TENM2: variants seen among roughly 807,000 people sequenced by gnomAD.
The protein encoded by TENM2 is teneurin transmembrane protein 2, also known as teneurin-2.
A neutral mutation model predicts 245.2 loss-of-function variants in TENM2; 52 were observed. That is an observed-to-expected ratio of 0.21 (90% CI 0.17 to 0.27). The LOEUF is 0.27. Ranked by LOEUF, TENM2 falls within the 10% of genes least tolerant of loss-of-function variation. The pLI is 1.00. For missense variants in TENM2, 3,046 were observed against 3,666.8 expected (o/e 0.83, Z 4.37); for synonymous variants, 1,363 against 1,438.9 (o/e 0.95, Z 1.19).
At chr5:167,084,364 T>TATATATATATATAC in the TENM2 span, among the ~76,000 whole-genome samples, 7 of 111,140 alleles carry the variant, frequency 6.3e-5, 1 homozygote, top group Admixed American at 1.8e-4. Context: ...TATATATATA[T>TATATATATATATAC]ATACAGATCA....
chr5:168,071,682 T>C (rs948979805), intron 7 of TENM2, among the ~76,000 whole-genome samples: 5 of 152,196 alleles, frequency 3.3e-5, no homozygotes, highest in African/African-American at 1.2e-4. Flanking sequence ...TAAACATTCT[T>C]TCAGGTCTAT....
At chr5:168,248,106 G>A (rs909929828) in exon 27 of TENM2, 1 of 1,614,010 alleles carries the variant, frequency 6.2e-7, no homozygotes, top group Admixed American at 1.7e-5. Context: ...TCAAACAGCT[G>A]CAGTACACGG....
At chr5:167,507,397 GT>G (rs1187555531) in intron 2 of TENM2, among the ~76,000 whole-genome samples, 5 of 152,102 alleles carry the variant, frequency 3.3e-5, no homozygotes, top group African/African-American at 1.2e-4. Flanking sequence ...ATTTAATGAA[GT>G]ATTTAAAATG....
intron 2 of TENM2, among the ~76,000 whole-genome samples, chr5:167,705,820 G>C (rs1375272196): frequency 9.9e-5 from 15 of 151,580 alleles, no homozygotes. Context: ...CTGCTTCTAG[G>C]AGTTTGACTA....
chr5:168,024,229 A>T (rs1055988932), intron 5 of TENM2, among the ~76,000 whole-genome samples: 1 of 152,132 alleles, frequency 6.6e-6, no homozygotes, highest in Non-Finnish European at 1.5e-5. Flanking sequence ...AAATATATCC[A>T]TTAGCCTTCC....
chr5:167,030,500 C>T, the TENM2 span, among the ~76,000 whole-genome samples: 1 of 152,130 alleles, frequency 6.6e-6, no homozygotes, highest in Non-Finnish European at 1.5e-5. Context: ...CCCAGCTTTA[C>T]TTTTCATTAC....
At chr5:167,766,277 T>G (rs1763014302) in intron 2 of TENM2, among the ~76,000 whole-genome samples, 1 of 151,960 alleles carries the variant, frequency 6.6e-6, no homozygotes, top group Non-Finnish European at 1.5e-5. Context: ...GGGGAAAAAT[T>G]TTACATATTT....
intron 3 of TENM2, among the ~76,000 whole-genome samples, chr5:167,908,683 C>G (rs932043352): frequency 2.8e-5 from 4 of 141,248 alleles, no homozygotes; most frequent in African/African-American, 1.1e-4. Flanking sequence ...CTTTTTCTCT[C>G]TCCCTCTCTG....
At chr5:167,737,888 T>C (rs769552979) in intron 2 of TENM2, among the ~76,000 whole-genome samples, 2 of 152,122 alleles carry the variant, frequency 1.3e-5, no homozygotes, top group Non-Finnish European at 2.9e-5. Flanking sequence ...TGAATGGGGC[T>C]CCCCTGATGC....
intron 3 of TENM2, among the ~76,000 whole-genome samples, chr5:167,882,626 T>C (rs1583274060): frequency 6.6e-6 from 1 of 152,248 alleles, no homozygotes; most frequent in South Asian, 2.1e-4. Flanking sequence ...CAGCACCTTC[T>C]TCACAAAGCA....
chr5:167,823,984 A>C (rs11134472), intron 2 of TENM2, among the ~76,000 whole-genome samples: 64,434 of 151,900 alleles, frequency 0.42, 15,655 homozygotes, highest in East Asian at 0.74. Context: ...TGAAATTCAG[A>C]ACGGTGTGAC....
intron 2 of TENM2, among the ~76,000 whole-genome samples, chr5:167,742,794 AAAAG>A (rs1180095109): frequency 6.8e-4 from 104 of 152,010 alleles, no homozygotes; most frequent in Middle Eastern, 6.8e-3. Context: ...CAAAAAAAAA[AAAAG>A]AAAGAAAGAA....
chr5:167,762,342 T>C (rs1346371760), intron 2 of TENM2, among the ~76,000 whole-genome samples: 1 of 152,210 alleles, frequency 6.6e-6, no homozygotes, highest in Non-Finnish European at 1.5e-5. Flanking sequence ...GCTTTTCAAC[T>C]GCGTAAAGCA....
At chr5:167,365,563 A>C (rs1051746466) in intron 1 of TENM2, among the ~76,000 whole-genome samples, 10 of 151,916 alleles carry the variant, frequency 6.6e-5, no homozygotes, top group African/African-American at 2.2e-4. Context: ...AAATGAAAGA[A>C]AGAATACTGT....
At chr5:167,962,182 T>C (rs556780715) in intron 4 of TENM2, among the ~76,000 whole-genome samples, 87 of 152,262 alleles carry the variant, frequency 5.7e-4, no homozygotes, top group African/African-American at 1.8e-3. Flanking sequence ...CTTTGAATAT[T>C]TGGCTTTTCT....
intron 15 of TENM2, 96 bp from the exon 18 acceptor site, chr5:168,198,757 C>A: frequency 6.9e-7 from 1 of 1,453,926 alleles, no homozygotes; most frequent in Non-Finnish European, 9.5e-7. Flanking sequence ...CCTCTGTGCT[C>A]TGCCCATCGC....
rs564590839 is a variant in TENM2, at chr5:168,256,427, CTTT to C, written c.7433-3842_7433-3840del. Among the ~76,000 whole-genome samples, 1,301 of 133,766 alleles carry C rather than the reference CTTT, an allele frequency of 9.7e-3. 22 individuals are homozygous for C. Among genetic ancestry groups the C allele is most frequent in the African/African-American group, 0.034 (1,240 of 36,570 alleles). The allele number at this position is 133,766 out of a possible 152,430, so 87.8% of individuals were successfully genotyped here. On this transcript the variant is annotated intron_variant, in intron 27 of 28. Transcript: ENST00000518659. The stretch of plus-strand genomic sequence containing the variant: ...TTTAAGGGAATTTCAAACTTGTATT[CTTT>C]TTTTTTTTTTTTTGAGACGGAGTCT...
chr5:167,364,855 A>AG (rs1428445515), intron 1 of TENM2, among the ~76,000 whole-genome samples: 2 of 152,016 alleles, frequency 1.3e-5, no homozygotes, highest in Non-Finnish European at 2.9e-5. Context: ...AGGAGGAAAG[A>AG]GAAAAAAAAA....
At chr5:166,985,520 C>T in the TENM2 span, among the ~76,000 whole-genome samples, 1 of 152,082 alleles carries the variant, frequency 6.6e-6, no homozygotes, top group East Asian at 1.9e-4. Context: ...GTTAGGGCTC[C>T]ACAACTTGTG....
Sources: gnomAD v4.1 joint callset for allele counts (sites outside exome capture counted in the v4.1 genomes callset) on GRCh38, gnomAD v4.1.1 for gene constraint, MANE v1.5 for transcripts, NCBI Gene and HGNC (gene_info 2026-07-23, HGNC 2026-07-21) for gene names.